Variants in CDH12 observed in about 807,000 individuals in gnomAD.
CDH12 encodes the protein cadherin-12.
In CDH12, 41 loss-of-function variants were observed where a neutral mutation model predicts 74.1. The ratio of observed to expected loss-of-function variants is 0.55; its 90% CI spans 0.43 to 0.72. The LOEUF is 0.72. Ranked by LOEUF, CDH12 falls within the 30% of genes least tolerant of loss-of-function variation. The pLI is 0.00. For missense variants in CDH12, 945 were observed against 977.2 expected, an observed-to-expected ratio of 0.97 and a Z score of 0.44; for synonymous variants, 399 against 355.0, an observed-to-expected ratio of 1.12 and a Z score of -1.39.
chr5:22,496,379 G>A (rs903753012), intron 2 of CDH12, among the ~76,000 whole-genome samples: 1 of 152,132 alleles, frequency 6.6e-6, no homozygotes, highest in Non-Finnish European at 1.5e-5. Flanking sequence ...TAGGGAAAAT[G>A]TTGCAACATA....
rs569594366 is a variant in CDH12, at chr5:21,843,057, G to A, written c.647-729C>T. 3.9e-5 allele frequency among the ~76,000 whole-genome samples: 6 copies of A among 152,176 alleles called. No individual in the cohort carries two copies. In the East Asian group the frequency reaches 1.2e-3, roughly 29 times the overall value. On this transcript the variant is annotated intron_variant, in intron 7 of 14. Coordinates refer to ENST00000382254, the MANE Select transcript of CDH12 (RefSeq NM_004061.5). ...TATTGTCCTCATTTCCTGCCCTGGT[G>A]TCCAAGTGTAAAAATAGTTTATATT... is the stretch of plus-strand genomic sequence containing the variant.
At chr5:22,668,579 A>C (rs181139406) in intron 1 of CDH12, among the ~76,000 whole-genome samples, 2 of 152,240 alleles carry the variant, frequency 1.3e-5, no homozygotes, top group African/African-American at 2.4e-5. Context: ...TCATGTGGTG[A>C]GGGTGGTTGA....
At chr5:22,782,684 G>T (rs1047283266) in intron 1 of CDH12, among the ~76,000 whole-genome samples, 2 of 152,064 alleles carry the variant, frequency 1.3e-5, no homozygotes, top group African/African-American at 4.8e-5. Context: ...TCATAAATTT[G>T]ACTTCAGTTT....
At chr5:22,513,320 A>T (rs1227808576) in intron 1 of CDH12, among the ~76,000 whole-genome samples, 1 of 152,034 alleles carries the variant, frequency 6.6e-6, no homozygotes, top group Non-Finnish European at 1.5e-5. Flanking sequence ...ACTATACTAG[A>T]AAAGGAAGAC....
At chr5:22,223,818 A>G (rs1388040724) in intron 3 of CDH12, among the ~76,000 whole-genome samples, 1 of 151,996 alleles carries the variant, frequency 6.6e-6, no homozygotes, top group Admixed American at 6.6e-5. Flanking sequence ...GATAAACAAC[A>G]TGGTGCCCAA....
intron 3 of CDH12, among the ~76,000 whole-genome samples, chr5:22,287,931 G>C (rs572280115): frequency 1.3e-5 from 2 of 152,072 alleles, no homozygotes; most frequent in African/African-American, 4.8e-5. Flanking sequence ...TGGCTATTCC[G>C]TATGTGCAAG....
intron 1 of CDH12, among the ~76,000 whole-genome samples, chr5:22,682,678 C>T (rs184939093): frequency 1.4e-3 from 206 of 151,392 alleles, no homozygotes; most frequent in Non-Finnish European, 2.5e-3. Flanking sequence ...TTTTTCTATA[C>T]TTTTGAAAGT....
At chr5:21,808,286 A>T (rs1338965633) in intron 9 of CDH12, among the ~76,000 whole-genome samples, 1 of 152,054 alleles carries the variant, frequency 6.6e-6, no homozygotes, top group African/African-American at 2.4e-5. Context: ...GGAACCAGTT[A>T]TGCCATATTA....
At chr5:22,722,281 C>T (rs1244088001) in intron 1 of CDH12, among the ~76,000 whole-genome samples, 4 of 152,164 alleles carry the variant, frequency 2.6e-5, no homozygotes, top group Non-Finnish European at 5.9e-5. Flanking sequence ...GTTAAGTAGC[C>T]TGAAACACAG....
intron 5 of CDH12, among the ~76,000 whole-genome samples, chr5:22,060,350 G>A (rs916769093): frequency 9.9e-5 from 15 of 151,974 alleles, no homozygotes; most frequent in African/African-American, 3.6e-4. Flanking sequence ...GAGAGCATTA[G>A]GACAAATACC....
At chr5:21,946,546 G>A (rs1755587139) in intron 6 of CDH12, among the ~76,000 whole-genome samples, 1 of 152,174 alleles carries the variant, frequency 6.6e-6, no homozygotes, top group Non-Finnish European at 1.5e-5. Context: ...TAAAACATCA[G>A]TAACAGTAGA....
At chr5:21,811,737 A>G (rs1747758245) in intron 9 of CDH12, among the ~76,000 whole-genome samples, 2 of 130,078 alleles carry the variant, frequency 1.5e-5, no homozygotes, top group Non-Finnish European at 1.6e-5. Context: ...GTTTTCTCAG[A>G]GTGGTAGGAT....
intron 10 of CDH12, among the ~76,000 whole-genome samples, chr5:21,796,651 A>T (rs1003893596): frequency 1.3e-5 from 2 of 151,924 alleles, no homozygotes; most frequent in South Asian, 2.1e-4. Context: ...CTATTTTTTT[A>T]ATTTAATAAA....
At chr5:21,992,567 G>T (rs1031319051) in intron 5 of CDH12, among the ~76,000 whole-genome samples, 1 of 151,932 alleles carries the variant, frequency 6.6e-6, no homozygotes, top group African/African-American at 2.4e-5. Context: ...GTGCATACGT[G>T]TTCGTAGAAC....
chr5:21,955,272 C>CT (rs572690417), intron 6 of CDH12, among the ~76,000 whole-genome samples: 21 of 147,258 alleles, frequency 1.4e-4, no homozygotes, highest in South Asian at 6.5e-4. Context: ...AAATGTCAAG[C>CT]TTTTTTTTTT....
intron 1 of CDH12, among the ~76,000 whole-genome samples, chr5:22,617,906 CA>C: frequency 6.6e-6 from 1 of 152,176 alleles, no homozygotes; most frequent in East Asian, 1.9e-4. Context: ...TTGCTATAAG[CA>C]GAACTTAGAG....
At chr5:22,244,620 AG>A (rs1752862175) in intron 3 of CDH12, among the ~76,000 whole-genome samples, 1 of 119,286 alleles carries the variant, frequency 8.4e-6, no homozygotes, top group African/African-American at 3.1e-5. Context: ...GGAAGGAGGG[AG>A]GGAAGGAAGG....
chr5:22,562,195 T>C (rs1214793970), intron 1 of CDH12, among the ~76,000 whole-genome samples: 1 of 151,606 alleles, frequency 6.6e-6, no homozygotes, highest in Admixed American at 6.6e-5. Flanking sequence ...CGGGCGCCTG[T>C]AGTCCCAGCT....
Position 22,518,779 on chromosome 5 carries a change from G to C in CDH12, c.-522-13415C>G, listed in dbSNP as rs554983439. On this transcript the variant is annotated intron_variant, in intron 1 of 14. Coordinates refer to ENST00000382254, the MANE Select transcript of CDH12 (RefSeq NM_004061.5). ...AAAAGAGCAGTTTCACTGATGCAAG[G>C]AGTGCCTTTGGTAAACACAGCTTAA... Among the ~76,000 whole-genome samples, 119 of 152,294 alleles carry C rather than the reference G, an allele frequency of 7.8e-4. 1 individual carries two copies. The highest frequency in any genetic ancestry group is 2.8e-3 in the African/African-American group (115 of 41,556).
Sources: gnomAD v4.1 joint callset for allele counts (sites outside exome capture counted in the v4.1 genomes callset) on GRCh38, gnomAD v4.1.1 for gene constraint, MANE v1.5 for transcripts, NCBI Gene and HGNC (gene_info 2026-07-23, HGNC 2026-07-21) for gene names.